POLQ: variants seen among roughly 807,000 people sequenced by gnomAD.
The protein encoded by POLQ is epididymis secretory sperm binding protein.
In POLQ, 233 loss-of-function variants were observed where a neutral mutation model predicts 259.2. That is an observed-to-expected ratio of 0.90 (90% confidence interval 0.81 to 1.00). The LOEUF is 1.00. Ranked by LOEUF, POLQ falls within the 50% of genes least tolerant of loss-of-function variation. The probability of loss-of-function intolerance (pLI) is 0.00; values close to 1 mark genes in which losing one functional copy is unlikely to be tolerated. For synonymous variants in POLQ, 1,025 were observed against 1,048.8 expected (o/e 0.98, Z 0.44); for missense variants, 2,871 against 3,051.6 (o/e 0.94, Z 1.39).
At chr3:121,493,292 G>A (rs2048085907) in intron 15 of POLQ, among the ~76,000 whole-genome samples, 186 bp downstream of exon 15, 1 of 149,588 alleles carries the variant, frequency 6.7e-6, no homozygotes. Context: ...ACAAGAGTGA[G>A]ACTTCATCTC....
intron 18 of POLQ, 134 bp from the exon 19 acceptor site, chr3:121,481,946 TC>T: frequency 1.2e-6 from 1 of 803,040 alleles, no homozygotes. Flanking sequence ...TCAGTGGTCT[TC>T]CCAGGAAAGA....
chr3:121,545,618 T>C (rs1242237405), intron 1 of POLQ, 97 bp downstream of exon 1: 1 of 1,183,254 alleles, frequency 8.5e-7, no homozygotes, highest in Non-Finnish European at 1.2e-6. Flanking sequence ...CAATGGGGTA[T>C]GCAACGAAGC....
At position 121,476,435 on chromosome 3, in the gene POLQ, A is replaced by G. The variant is rs1210806372; in HGVS notation, c.6405+105T>C. 3 of 760,216 alleles carry G rather than the reference A, an allele frequency of 3.9e-6. No individual in the cohort carries two copies. In the African/African-American group the frequency reaches 5.6e-5, roughly 14 times the overall value. 47.1% of individuals were successfully genotyped at this position (760,216 alleles called of 1,614,324 possible). A position where few individuals can be genotyped will look rare whatever the true frequency, so the allele number is the denominator to read the frequency against. On this transcript the variant is annotated intron_variant, in intron 20 of 29. Transcript: ENST00000264233. ...GTTAACTGGCTGTTTCATTTTACTG[A>G]CCTTTGGTGTTCAGGTAAATACACA...
intron 15 of POLQ, 27 bp from the exon 16 acceptor site, chr3:121,490,435 A>AAATG: frequency 1.3e-6 from 2 of 1,567,822 alleles, no homozygotes; most frequent in Non-Finnish European, 8.8e-7. Flanking sequence ...GAAAAGACAG[A>AAATG]AATGAATTCA....
chr3:121,514,574 C>T (rs1452236277), intron 9 of POLQ, among the ~76,000 whole-genome samples: 1 of 152,098 alleles, frequency 6.6e-6, no homozygotes, highest in East Asian at 1.9e-4. Flanking sequence ...CCAGAGAACA[C>T]AGAGCTTCCC....
chr3:121,477,385 C>CT (rs1447569582), intron 19 of POLQ, among the ~76,000 whole-genome samples: 2 of 152,118 alleles, frequency 1.3e-5, no homozygotes, highest in Non-Finnish European at 2.9e-5. Context: ...TAGGCTATGT[C>CT]TATAGGTATA....
At chr3:121,532,570 C>T (rs754080219) in intron 6 of POLQ, among the ~76,000 whole-genome samples, 1 of 151,124 alleles carries the variant, frequency 6.6e-6, no homozygotes, top group Non-Finnish European at 1.5e-5. Context: ...GGCATGATCT[C>T]GGCTCACTGC....
At chr3:121,493,981 G>C in intron 14 of POLQ, 1 of 599,122 alleles carries the variant, frequency 1.7e-6, no homozygotes, top group Non-Finnish European at 2.9e-6. Flanking sequence ...CATGAAAACT[G>C]AGGCAGAGCA....
intron 19 of POLQ, among the ~76,000 whole-genome samples, chr3:121,477,886 T>G (rs1295983882): frequency 6.6e-6 from 1 of 152,176 alleles, no homozygotes; most frequent in Non-Finnish European, 1.5e-5. Flanking sequence ...TGAGAGTTAC[T>G]GGCCTCTAAC....
chr3:121,528,072 T>C (rs927453004), intron 7 of POLQ, among the ~76,000 whole-genome samples: 5 of 152,224 alleles, frequency 3.3e-5, no homozygotes, highest in African/African-American at 1.2e-4. Context: ...ATTTTTCTTC[T>C]GTGAATGGGG....
At chr3:121,449,289 A>C (rs775763745) in intron 26 of POLQ, 26 bp downstream of exon 26, 1 of 1,112,342 alleles carries the variant, frequency 9.0e-7, no homozygotes, top group Non-Finnish European at 1.4e-6. Flanking sequence ...ATGGTTGAAA[A>C]GAATACTATC....
At chr3:121,492,105 T>C (rs1457610615) in intron 15 of POLQ, among the ~76,000 whole-genome samples, 11 of 150,424 alleles carry the variant, frequency 7.3e-5, no homozygotes, top group Non-Finnish European at 7.4e-5. Context: ...AAGAGGATAG[T>C]AAAATACTAT....
intron 5 of POLQ, among the ~76,000 whole-genome samples, chr3:121,534,221 TTG>T (rs2048433558): frequency 6.6e-6 from 1 of 151,740 alleles, no homozygotes; most frequent in African/African-American, 2.4e-5. Context: ...ATATAGTGGG[TTG>T]TGTTTTTCTT....
At chr3:121,541,230 T>C in intron 3 of POLQ, 119 bp downstream of exon 3, 1 of 893,302 alleles carries the variant, frequency 1.1e-6, no homozygotes, top group South Asian at 1.7e-5. Flanking sequence ...TAAAGCTACA[T>C]AGGGCACAAT....
At chr3:121,439,864 T>G in intron 27 of POLQ, 128 bp downstream of exon 27, 1 of 788,124 alleles carries the variant, frequency 1.3e-6, no homozygotes, top group Non-Finnish European at 2.0e-6. Flanking sequence ...ATGGTTGACG[T>G]TGTCTATACA....
At chr3:121,455,618 A>G (rs1321662590) in intron 25 of POLQ, among the ~76,000 whole-genome samples, 1 of 152,214 alleles carries the variant, frequency 6.6e-6, no homozygotes, top group Admixed American at 6.5e-5. Flanking sequence ...CTACGCAAAT[A>G]AACTAGAAAA....
At chr3:121,531,583 A>G (rs2048412165) in intron 6 of POLQ, among the ~76,000 whole-genome samples, 1 of 152,218 alleles carries the variant, frequency 6.6e-6, no homozygotes, top group Admixed American at 6.5e-5. Flanking sequence ...GTTTCTGAGA[A>G]GAAGGGTAAC....
chr3:121,522,493 A>G (rs1212138046), intron 7 of POLQ, among the ~76,000 whole-genome samples: 1 of 148,926 alleles, frequency 6.7e-6, no homozygotes, highest in East Asian at 2.0e-4. Context: ...TTGTATTTTT[A>G]GTAGAGACGG....
rs73855399 is a variant in POLQ at position 121,494,752 on chromosome 3, G to A, written c.2279-1031C>T. The stretch of plus-strand genomic sequence containing the variant: ...TGAACTCGGAAGACAAAGGCACTTT[G>A]GCTAAGCTGGTGGAAGTTATCAGGA... On this transcript the variant is annotated intron_variant, in intron 14 of 29. Transcript: ENST00000264233. 4,136 of 1,534,310 alleles carry A rather than the reference G, an allele frequency of 2.7e-3. 104 individuals carry two copies. In the African/African-American group the frequency reaches 0.05, roughly 18 times the overall value.
Sources: gnomAD v4.1 joint callset for allele counts (sites outside exome capture counted in the v4.1 genomes callset) on GRCh38, gnomAD v4.1.1 for gene constraint, MANE v1.5 for transcripts, NCBI Gene and HGNC (gene_info 2026-07-23, HGNC 2026-07-21) for gene names.